PTPRN2: variants seen among roughly 807,000 people sequenced by gnomAD.
PTPRN2 encodes receptor-type tyrosine-protein phosphatase N2.
In PTPRN2, 74 loss-of-function variants were observed where a neutral mutation model predicts 118.8. The observed-to-expected ratio is 0.62, with a 90% confidence interval of 0.52 to 0.76. The LOEUF is 0.76. PTPRN2 is among the 30% of genes least tolerant of loss of function. PTPRN2 has a pLI of 0.00. For synonymous variants in PTPRN2, 641 were observed against 608.0 expected (o/e 1.05, Z -0.80); for missense variants, 1,481 against 1,394.4 (o/e 1.06, Z -0.99).
chr7:157,549,324 T>C (rs1798479364), intron 21 of PTPRN2, among the ~76,000 whole-genome samples: 1 of 47,042 alleles, frequency 2.1e-5, no homozygotes. Flanking sequence ...TTTCTTTTCT[T>C]TTTTTTTTTT....
chr7:157,847,190 G>A (rs1186608829), intron 12 of PTPRN2, among the ~76,000 whole-genome samples: 3 of 125,162 alleles, frequency 2.4e-5, no homozygotes, highest in Admixed American at 7.8e-5. Flanking sequence ...ACTCCATCAC[G>A]TGTGCCCGAT....
intron 2 of PTPRN2, among the ~76,000 whole-genome samples, chr7:158,461,171 T>C (rs1818954601): frequency 6.6e-6 from 1 of 152,038 alleles, no homozygotes; most frequent in South Asian, 2.1e-4. Context: ...CAGTCTTTCA[T>C]TTTTTTCTTG....
intron 12 of PTPRN2, among the ~76,000 whole-genome samples, chr7:157,726,307 C>A (rs1038098070): frequency 6.1e-5 from 9 of 148,756 alleles, no homozygotes; most frequent in Non-Finnish European, 1.0e-4. Context: ...CCTCGCCTCC[C>A]AGGAGAACTG....
rs534643286 is a variant in PTPRN2, at chr7:158,543,988, C to T, written c.112+43570G>A. Among the ~76,000 whole-genome samples the T allele has an allele frequency of 2.0e-5, 3 of 152,348 alleles. No homozygotes were observed. In the South Asian group the frequency reaches 6.2e-4, roughly 32 times the overall value. On this transcript the variant is annotated intron_variant, in intron 1 of 22. Transcript: ENST00000389418. ...TCCTCCCTCCAAAGGGTCCAAAAACCAGGGCAGCCCCAACTGGCCGGGAAA... is the reference window on the plus strand; with the variant it reads ...TCCTCCCTCCAAAGGGTCCAAAAACTAGGGCAGCCCCAACTGGCCGGGAAA...
intron 1 of PTPRN2, 87 bp downstream of exon 1, chr7:158,587,471 C>T: frequency 4.1e-6 from 4 of 982,670 alleles, no homozygotes; most frequent in Non-Finnish European, 5.0e-6. Context: ...CGCCTCTCCC[C>T]ACCCAGACCC....
chr7:157,884,811 G>A (rs185711526), intron 12 of PTPRN2, among the ~76,000 whole-genome samples: 23 of 152,234 alleles, frequency 1.5e-4, no homozygotes, highest in East Asian at 1.2e-3. Flanking sequence ...TCCCTCTCAC[G>A]ACATGTGGCA....
At chr7:158,484,765 G>A (rs1042982730) in intron 2 of PTPRN2, among the ~76,000 whole-genome samples, 7 of 152,204 alleles carry the variant, frequency 4.6e-5, no homozygotes, top group African/African-American at 1.7e-4. Context: ...TCAGTGTGCC[G>A]GTGCTTCCTG....
At chr7:158,139,646 G>C (rs1375578358) in intron 6 of PTPRN2, among the ~76,000 whole-genome samples, 1 of 151,976 alleles carries the variant, frequency 6.6e-6, no homozygotes, top group Non-Finnish European at 1.5e-5. Flanking sequence ...CTGAGCTACT[G>C]CAAGTCAGAG....
At chr7:158,344,368 C>T (rs1211630611) in intron 2 of PTPRN2, among the ~76,000 whole-genome samples, 1 of 152,108 alleles carries the variant, frequency 6.6e-6, no homozygotes, top group Non-Finnish European at 1.5e-5. Context: ...GAGCATTGGC[C>T]CCAGTCGCAG....
chr7:158,115,472 C>T (rs1205909835), intron 9 of PTPRN2, among the ~76,000 whole-genome samples: 1 of 152,036 alleles, frequency 6.6e-6, no homozygotes, highest in African/African-American at 2.4e-5. Flanking sequence ...CTAATTGTGA[C>T]CCCTAAAATC....
At chr7:158,104,061 C>T (rs1009337174) in intron 10 of PTPRN2, among the ~76,000 whole-genome samples, 20 of 152,130 alleles carry the variant, frequency 1.3e-4, no homozygotes, top group African/African-American at 4.6e-4. Context: ...TGGGGTTTCA[C>T]CATTTTGGCC....
rs1796435582 is a variant in PTPRN2 at position 157,671,908 on chromosome 7, T to C, written c.2001+10817A>G. On this transcript the variant is annotated intron_variant, in intron 13 of 22. Transcript: ENST00000389418. This position sits in a 1 kb window ranked among gnomAD's most constrained non-coding sequence, Gnocchi z 4.1. ...CCGAAGGGTGCTGAGCCCTAAGGTC[T>C]GTACGGGGAGTTTCTAAAAGTCTAC... 6.6e-6 allele frequency among the ~76,000 whole-genome samples: 1 copy of C among 152,062 alleles called. No individual in the cohort carries two copies. Among genetic ancestry groups the C allele is most frequent in the African/African-American group, 2.4e-5 (1 of 41,402 alleles).
At chr7:158,149,082 C>G (rs36047177) in intron 6 of PTPRN2, among the ~76,000 whole-genome samples, 28 of 50,756 alleles carry the variant, frequency 5.5e-4, no homozygotes, top group South Asian at 1.3e-3. Flanking sequence ...TTCCCCCTCA[C>G]TGACACCCCA....
chr7:158,245,651 C>A (rs1796198043), intron 3 of PTPRN2, among the ~76,000 whole-genome samples: 1 of 152,120 alleles, frequency 6.6e-6, no homozygotes, highest in Non-Finnish European at 1.5e-5. Flanking sequence ...ACAAAGGCAA[C>A]TCTGCACATC....
chr7:157,586,985 G>T (rs1398104536), intron 17 of PTPRN2, among the ~76,000 whole-genome samples: 1 of 152,226 alleles, frequency 6.6e-6, no homozygotes, highest in East Asian at 1.9e-4. Context: ...GGTTGCTGGT[G>T]GTGCTGATGG....
At chr7:157,545,413 AGGTGTGTGTGGATGTATGCATG>A (rs1474467277) in intron 22 of PTPRN2, among the ~76,000 whole-genome samples, 1 of 127,444 alleles carries the variant, frequency 7.8e-6, no homozygotes, top group Non-Finnish European at 1.6e-5. Context: ...GTGGGTGTGT[AGGTGTGTGTGGATGTATGCATG>A]GGTGTGTGCA....
rs370670053 is a variant in PTPRN2 at position 158,506,765 on chromosome 7, T to C, written c.113-16980A>G. On this transcript the variant is annotated intron_variant, in intron 1 of 22. Coordinates refer to ENST00000389418, the MANE Select transcript of PTPRN2 (RefSeq NM_002847.5). The stretch of plus-strand genomic sequence containing the variant: ...GCTAGCTGTGACATGACAAGGCGGA[T>C]GCCGGGGGCCTCCGAAGGCCTGGGT... Among the ~76,000 whole-genome samples the C allele has an allele frequency of 2.5e-4, 38 of 151,944 alleles. No individual in the cohort carries two copies. The East Asian group carries it at 4.9e-3, about 20-fold the overall frequency.
At chr7:158,336,730 G>C (rs1169170635) in intron 2 of PTPRN2, among the ~76,000 whole-genome samples, 1 of 116,544 alleles carries the variant, frequency 8.6e-6, no homozygotes, top group Non-Finnish European at 1.9e-5. Context: ...CAAAAGAGCT[G>C]ACGCCCGCAG....
chr7:158,272,250 G>A (rs1292180047), intron 3 of PTPRN2, among the ~76,000 whole-genome samples: 1 of 152,190 alleles, frequency 6.6e-6, no homozygotes, highest in Non-Finnish European at 1.5e-5. Flanking sequence ...TGTCTTCGGA[G>A]AGCCGCGTCT....
Sources: gnomAD v4.1 joint callset for allele counts (sites outside exome capture counted in the v4.1 genomes callset) on GRCh38, gnomAD v4.1.1 for gene constraint, Gnocchi (gnomAD v3.1) non-coding constraint, MANE v1.5 for transcripts, NCBI Gene and HGNC (gene_info 2026-07-23, HGNC 2026-07-21) for gene names.